CNTN6: variants seen among roughly 807,000 people sequenced by gnomAD.
CNTN6 encodes contactin 6, also known as contactin-6.
In CNTN6, 137 loss-of-function variants were observed where a neutral mutation model predicts 122.8. The observed-to-expected ratio is 1.12, with a 90% CI of 0.97 to 1.29. The LOEUF (loss-of-function observed/expected upper bound fraction) is 1.29, where lower values mean the gene tolerates loss of function less well. CNTN6 is among the 50% of genes most tolerant of loss of function. CNTN6 has a pLI of 0.00. For missense variants in CNTN6, 1,634 were observed against 1,223.4 expected (o/e 1.34, Z -5.01); for synonymous variants, 570 against 426.0 (o/e 1.34, Z -4.16).
chr3:1,232,757 A>G (rs2094368940), intron 4 of CNTN6, among the ~76,000 whole-genome samples: 1 of 152,212 alleles, frequency 6.6e-6, no homozygotes, highest in African/African-American at 2.4e-5. Context: ...TTGACCTATA[A>G]CAGAGTGGAG....
intron 1 of CNTN6, among the ~76,000 whole-genome samples, chr3:1,116,142 A>G (rs1368865225): frequency 6.6e-6 from 1 of 152,190 alleles, no homozygotes; most frequent in African/African-American, 2.4e-5. Flanking sequence ...TCAGGAATAC[A>G]CAAAGGAAGC....
intron 2 of CNTN6, among the ~76,000 whole-genome samples, chr3:1,155,528 G>A (rs1027873951): frequency 2.0e-5 from 3 of 151,980 alleles, no homozygotes; most frequent in Non-Finnish European, 4.4e-5. Flanking sequence ...AAAGTAGAAA[G>A]CTATTCCTAA....
intron 2 of CNTN6, among the ~76,000 whole-genome samples, chr3:1,192,900 T>G (rs1406018872): frequency 6.6e-6 from 1 of 152,130 alleles, no homozygotes; most frequent in African/African-American, 2.4e-5. Flanking sequence ...GCAATTAAAC[T>G]CCACGTATTT....
intron 2 of CNTN6, among the ~76,000 whole-genome samples, chr3:1,162,962 C>T (rs2093168751): frequency 1.3e-5 from 2 of 152,172 alleles, no homozygotes; most frequent in African/African-American, 4.8e-5. Flanking sequence ...CACAGAAAAT[C>T]ATCTGTGCCT....
chr3:1,228,381 G>A (rs1286954727), intron 4 of CNTN6, among the ~76,000 whole-genome samples: 1 of 152,108 alleles, frequency 6.6e-6, no homozygotes, highest in Non-Finnish European at 1.5e-5. Flanking sequence ...ATCTGGGGGA[G>A]GTGGGCGTTC....
intron 7 of CNTN6, among the ~76,000 whole-genome samples, chr3:1,302,543 A>G (rs938911869): frequency 3.3e-5 from 5 of 152,160 alleles, no homozygotes; most frequent in African/African-American, 1.2e-4. Context: ...GGAAAAAGAA[A>G]TGAAAATATA....
At chr3:1,211,812 T>C (rs2094042079) in intron 2 of CNTN6, among the ~76,000 whole-genome samples, 1 of 152,152 alleles carries the variant, frequency 6.6e-6, no homozygotes, top group Non-Finnish European at 1.5e-5. Flanking sequence ...ATATTATATC[T>C]AAATTCTTGG....
At chr3:1,220,001 CA>C (rs1302348085) in intron 2 of CNTN6, among the ~76,000 whole-genome samples, 34,409 of 150,632 alleles carry the variant, frequency 0.23, 4,687 homozygotes, top group African/African-American at 0.38. Context: ...CAATCTGTCT[CA>C]AAAAATAAAA....
chr3:1,156,451 A>T (rs1486357446), intron 2 of CNTN6, among the ~76,000 whole-genome samples: 1 of 152,198 alleles, frequency 6.6e-6, no homozygotes, highest in Non-Finnish European at 1.5e-5. Flanking sequence ...TTAGTCTTAA[A>T]GGGAAAATAA....
intron 7 of CNTN6, among the ~76,000 whole-genome samples, chr3:1,306,869 A>T (rs1698443139): frequency 6.6e-6 from 1 of 152,202 alleles, no homozygotes; most frequent in Non-Finnish European, 1.5e-5. Context: ...TCCCCAGAAG[A>T]ATAGATTTAT....
rs1245407052 is a variant in CNTN6, at chr3:1,161,994, A to T, written c.55+13931A>T. On this transcript the variant is annotated intron_variant, in intron 2 of 22. Coordinates refer to ENST00000446702, the MANE Select transcript of CNTN6 (RefSeq NM_001289080.2). ...ACATATTTGGACTCAGTTAAAAAAA[A>T]ATCTCAATCTGAAGATACCTAATAG... 3.9e-5 allele frequency among the ~76,000 whole-genome samples: 6 copies of T among 152,150 alleles called. 1 individual carries two copies. The highest frequency in any genetic ancestry group is 1.4e-4 in the African/African-American group (6 of 41,436).
At chr3:1,352,565 C>A in intron 12 of CNTN6, 114 bp downstream of exon 12, 1 of 1,235,182 alleles carries the variant, frequency 8.1e-7, no homozygotes, top group Non-Finnish European at 1.1e-6. Context: ...TTGTTGATTT[C>A]ACAAGTTATC....
In CNTN6 at chr3:1,323,250, ATATCT is replaced by A. The variant is rs200230766; in HGVS notation, c.946+1419_946+1423del. On this transcript the variant is annotated intron_variant, in intron 8 of 22. Transcript: ENST00000446702. ...ATGTTCAGTGATACTATAGGCAAAAATATCTTAAGTTAATTGTGCAGGATCTCACA... is the reference window on the plus strand; with the variant it reads ...ATGTTCAGTGATACTATAGGCAAAAATAAGTTAATTGTGCAGGATCTCACA... Among the ~76,000 whole-genome samples the A allele has an allele frequency of 5.9e-5, 9 of 151,892 alleles. No homozygotes were observed. The East Asian group carries it at 1.8e-3, about 30-fold the overall frequency.
chr3:1,279,568 G>C (rs1184604844), intron 5 of CNTN6, among the ~76,000 whole-genome samples: 1 of 152,220 alleles, frequency 6.6e-6, no homozygotes, highest in Non-Finnish European at 1.5e-5. Flanking sequence ...AGGTCACGCA[G>C]CTGGCAGGCA....
chr3:1,115,805 A>C (rs928207136), intron 1 of CNTN6, among the ~76,000 whole-genome samples: 11 of 152,078 alleles, frequency 7.2e-5, no homozygotes, highest in Non-Finnish European at 1.2e-4. Context: ...AATAAGAAAG[A>C]ATTTGAGGAC....
chr3:1,278,972 T>C (rs995130310), intron 5 of CNTN6, among the ~76,000 whole-genome samples: 1 of 152,242 alleles, frequency 6.6e-6, no homozygotes, highest in Non-Finnish European at 1.5e-5. Context: ...ACTAATACTT[T>C]AGTAAGTAAA....
At chr3:1,317,758 G>A (rs1402340454) in intron 7 of CNTN6, among the ~76,000 whole-genome samples, 1 of 151,518 alleles carries the variant, frequency 6.6e-6, no homozygotes, top group Non-Finnish European at 1.5e-5. Flanking sequence ...TAGTCAAGGT[G>A]GCTATGCCCT....
intron 21 of CNTN6, 38 bp from the exon 22 acceptor site, chr3:1,402,280 A>G: frequency 1.9e-6 from 3 of 1,560,866 alleles, no homozygotes; most frequent in Non-Finnish European, 1.7e-6. Context: ...TTAGAAAAGC[A>G]ACATGTCCAT....
At chr3:1,262,451 T>C (rs1228250994) in intron 4 of CNTN6, among the ~76,000 whole-genome samples, 1 of 152,132 alleles carries the variant, frequency 6.6e-6, no homozygotes, top group Non-Finnish European at 1.5e-5. Flanking sequence ...CAAGTGTCCT[T>C]CCTGTTCCCA....
Sources: gnomAD v4.1 joint callset for allele counts (sites outside exome capture counted in the v4.1 genomes callset) on GRCh38, gnomAD v4.1.1 for gene constraint, MANE v1.5 for transcripts, NCBI Gene and HGNC (gene_info 2026-07-23, HGNC 2026-07-21) for gene names.